Variants in L3MBTL4 observed in about 807,000 individuals in gnomAD.
L3MBTL4 encodes L3MBTL histone methyl-lysine binding protein 4.
L3MBTL4 carries 70 observed loss-of-function variants against 84.5 expected under a neutral mutation model. That is an observed-to-expected ratio of 0.83 (90% confidence interval 0.68 to 1.01). The LOEUF is 1.01. Ranked by LOEUF, L3MBTL4 falls within the 50% of genes least tolerant of loss-of-function variation. The pLI, the probability that L3MBTL4 is intolerant of heterozygous loss-of-function variation, is 0.00. For synonymous variants in L3MBTL4, 274 were observed against 259.8 expected, an observed-to-expected ratio of 1.05 and a Z score of -0.52; for missense variants, 715 against 754.8, an observed-to-expected ratio of 0.95 and a Z score of 0.62.
At chr18:6,202,366 T>A (rs1381796723) in intron 12 of L3MBTL4, among the ~76,000 whole-genome samples, 1 of 152,096 alleles carries the variant, frequency 6.6e-6, no homozygotes. Context: ...ACTGAAGAGC[T>A]GATTCTTTTT....
At chr18:6,372,998 T>A (rs1169928694) in intron 1 of L3MBTL4, among the ~76,000 whole-genome samples, 2 of 152,210 alleles carry the variant, frequency 1.3e-5, no homozygotes, top group Non-Finnish European at 2.9e-5. Flanking sequence ...TATACACTAT[T>A]TTTTCCTTTT....
At chr18:6,282,784 G>A (rs1320647882) in intron 4 of L3MBTL4, among the ~76,000 whole-genome samples, 1 of 152,120 alleles carries the variant, frequency 6.6e-6, no homozygotes, top group African/African-American at 2.4e-5. Context: ...AGCAGGCCTG[G>A]GGAGATCAAC....
chr18:6,258,128 A>C (rs1373083176), intron 5 of L3MBTL4, among the ~76,000 whole-genome samples: 4 of 152,108 alleles, frequency 2.6e-5, no homozygotes, highest in Non-Finnish European at 5.9e-5. Context: ...AGGTGTGCTG[A>C]GTGATGGTCT....
At chr18:6,175,957 T>G (rs1276632974) in intron 12 of L3MBTL4, among the ~76,000 whole-genome samples, 1 of 152,058 alleles carries the variant, frequency 6.6e-6, no homozygotes, top group Non-Finnish European at 1.5e-5. Flanking sequence ...AAATTTCCTT[T>G]AGAATAACAT....
chr18:6,359,345 T>C (rs2053579547), intron 1 of L3MBTL4, among the ~76,000 whole-genome samples: 1 of 152,090 alleles, frequency 6.6e-6, no homozygotes, highest in Non-Finnish European at 1.5e-5. Context: ...TTTGGGAGGC[T>C]GAGGCAGGAG....
At chr18:6,170,957 C>A (rs1299923696) in intron 13 of L3MBTL4, among the ~76,000 whole-genome samples, 3 of 152,130 alleles carry the variant, frequency 2.0e-5, no homozygotes, top group African/African-American at 7.2e-5. Flanking sequence ...CCAGAAGGGC[C>A]TTCATCTCTT....
chr18:6,010,758 A>G (rs1033645376), intron 16 of L3MBTL4, among the ~76,000 whole-genome samples: 1 of 152,226 alleles, frequency 6.6e-6, no homozygotes, highest in Admixed American at 6.5e-5. Flanking sequence ...AAATGGAAGT[A>G]AAATAAATAG....
chr18:6,102,117 T>G (rs987634810), intron 14 of L3MBTL4, among the ~76,000 whole-genome samples: 1 of 152,190 alleles, frequency 6.6e-6, no homozygotes, highest in Admixed American at 6.5e-5. Flanking sequence ...CTAAATTTCT[T>G]AAAATCAGAG....
chr18:6,007,351 A>C (rs888255375), intron 16 of L3MBTL4, among the ~76,000 whole-genome samples: 5 of 152,052 alleles, frequency 3.3e-5, no homozygotes, highest in African/African-American at 1.2e-4. Context: ...TAATACAAAA[A>C]CTTACTTGTA....
intron 16 of L3MBTL4, among the ~76,000 whole-genome samples, chr18:6,064,230 T>C (rs2057327200): frequency 1.3e-5 from 2 of 152,080 alleles, no homozygotes; most frequent in Admixed American, 6.5e-5. Context: ...CTATTTTTTA[T>C]ACCAGTACCA....
At chr18:6,112,719 G>T (rs1186489858) in intron 14 of L3MBTL4, among the ~76,000 whole-genome samples, 1 of 152,018 alleles carries the variant, frequency 6.6e-6, no homozygotes, top group Non-Finnish European at 1.5e-5. Flanking sequence ...AATATGGCAG[G>T]TATATACTAC....
chr18:6,197,053 G>C (rs895296781), intron 12 of L3MBTL4, among the ~76,000 whole-genome samples: 1 of 152,232 alleles, frequency 6.6e-6, no homozygotes, highest in Admixed American at 6.5e-5. Context: ...GTCTAAGCCA[G>C]ATAGCTATGG....
intron 1 of L3MBTL4, among the ~76,000 whole-genome samples, chr18:6,401,679 A>T (rs1443683274): frequency 6.6e-6 from 1 of 152,224 alleles, no homozygotes; most frequent in Non-Finnish European, 1.5e-5. Context: ...TAAAGGTGAG[A>T]GTCAATAGGA....
chr18:6,369,909 G>A (rs1403140146), intron 1 of L3MBTL4, among the ~76,000 whole-genome samples: 1 of 152,108 alleles, frequency 6.6e-6, no homozygotes, highest in Non-Finnish European at 1.5e-5. Flanking sequence ...CGAGGCAGGT[G>A]GATCACTTGA....
chr18:5,960,000 A>T (rs992312210), intron 18 of L3MBTL4, 94 bp downstream of exon 18: 14 of 318,366 alleles, frequency 4.4e-5, no homozygotes, highest in Admixed American at 4.3e-4. Context: ...CTAGAAGTAT[A>T]GAAATACATA....
chr18:6,411,472 C>G lies in L3MBTL4; in HGVS notation c.-91+3329G>C, dbSNP rs77275901. Among the ~76,000 whole-genome samples the G allele has an allele frequency of 9.9e-3, 1,506 of 152,318 alleles. 45 individuals carry two copies. The highest frequency in any genetic ancestry group is 0.068 in the Admixed American group (1,041 of 15,300). On this transcript the variant is annotated intron_variant, in intron 1 of 18. Transcript: ENST00000317931. ...TGCACTGATGTGTTACCACTGAGAT[C>G]ACCTCTTTTTAGCCAAGTTCAACTT... is the stretch of plus-strand genomic sequence containing the variant.
In L3MBTL4 at chr18:6,315,134, T is replaced by C. The variant is rs1054709069; in HGVS notation, c.-90-3078A>G. 3.5e-4 allele frequency among the ~76,000 whole-genome samples: 53 copies of C among 152,310 alleles called. 1 individual carries two copies. The highest frequency in any genetic ancestry group is 1.2e-3 in the African/African-American group (51 of 41,566). ...GGGTGTTCACAGGAGGGACACTATG[T>C]CTAACGACATGCACAGTGAAAGAAC... On this transcript the variant is annotated intron_variant, in intron 1 of 18. Coordinates refer to ENST00000317931, the MANE Select transcript of L3MBTL4 (RefSeq NM_001330559.2).
At chr18:6,401,790 C>T (rs906321755) in intron 1 of L3MBTL4, among the ~76,000 whole-genome samples, 5 of 152,148 alleles carry the variant, frequency 3.3e-5, no homozygotes, top group Admixed American at 6.6e-5. Flanking sequence ...ACCAGGCTAA[C>T]GTGGGCACAA....
chr18:6,037,882 G>C (rs1221379942), intron 16 of L3MBTL4, among the ~76,000 whole-genome samples: 4 of 152,190 alleles, frequency 2.6e-5, no homozygotes. Context: ...ATGTATTAAA[G>C]TGCTGGTTGC....
Sources: gnomAD v4.1 joint callset for allele counts (sites outside exome capture counted in the v4.1 genomes callset) on GRCh38, gnomAD v4.1.1 for gene constraint, MANE v1.5 for transcripts, NCBI Gene and HGNC (gene_info 2026-07-23, HGNC 2026-07-21) for gene names.